Variants in LRRTM3 observed in about 807,000 individuals in gnomAD.
LRRTM3 encodes the protein leucine-rich repeat transmembrane neuronal protein 3.
Under a neutral mutation model 44.7 loss-of-function variants are expected in LRRTM3, and 24 were observed. The observed-to-expected ratio is 0.54, with a 90% confidence interval of 0.39 to 0.76. The LOEUF (loss-of-function observed/expected upper bound fraction) is 0.76, where lower values mean the gene tolerates loss of function less well. LRRTM3 is among the 30% of genes least tolerant of loss of function. LRRTM3 has a pLI of 0.00. For missense variants in LRRTM3, 587 were observed against 702.2 expected (o/e 0.84, Z 1.85); for synonymous variants, 277 against 278.7 (o/e 0.99, Z 0.06).
intron 2 of LRRTM3, among the ~76,000 whole-genome samples, chr10:66,950,298 AT>A (rs1349144412): frequency 6.6e-6 from 1 of 152,058 alleles, no homozygotes. Context: ...CTTGAAGTAT[AT>A]TTACTTATAT....
At chr10:67,028,819 C>T (rs1408393112) in intron 2 of LRRTM3, among the ~76,000 whole-genome samples, 1 of 152,042 alleles carries the variant, frequency 6.6e-6, no homozygotes, top group Admixed American at 6.5e-5. Flanking sequence ...CAAGTAATTA[C>T]ATTAGGAAGA....
At chr10:66,963,477 C>CA (rs1374035935) in intron 2 of LRRTM3, among the ~76,000 whole-genome samples, 3 of 152,064 alleles carry the variant, frequency 2.0e-5, no homozygotes, top group African/African-American at 7.2e-5. Context: ...CGATTACTTT[C>CA]CAAGTAGATG....
intron 2 of LRRTM3, among the ~76,000 whole-genome samples, chr10:67,088,197 G>T (rs1857418820): frequency 6.6e-6 from 1 of 151,200 alleles, no homozygotes; most frequent in African/African-American, 2.4e-5. Flanking sequence ...TGCTAGGCAT[G>T]TATTGGAATG....
intron 2 of LRRTM3, among the ~76,000 whole-genome samples, chr10:67,022,274 G>A (rs1853067055): frequency 6.6e-6 from 1 of 152,158 alleles, no homozygotes; most frequent in Non-Finnish European, 1.5e-5. Context: ...CAGTGTTAGA[G>A]ATCCATGTTA....
intron 2 of LRRTM3, among the ~76,000 whole-genome samples, chr10:67,063,948 G>T (rs536597330): frequency 6.6e-6 from 1 of 152,106 alleles, no homozygotes; most frequent in South Asian, 2.1e-4. Flanking sequence ...ACACACACTC[G>T]TCAGCTAATC....
intron 2 of LRRTM3, among the ~76,000 whole-genome samples, chr10:67,075,263 T>TA (rs943470561): frequency 1.1e-4 from 17 of 151,218 alleles, no homozygotes; most frequent in African/African-American, 2.9e-4. Context: ...AATCTTAAAT[T>TA]AAAAAAAAAT....
intron 2 of LRRTM3, among the ~76,000 whole-genome samples, chr10:66,958,903 T>C (rs1848974610): frequency 6.6e-6 from 1 of 152,148 alleles, no homozygotes; most frequent in Admixed American, 6.6e-5. Context: ...TCATGAAAGT[T>C]CCCTTTATAG....
At chr10:66,928,667 A>G (rs897807913) in intron 2 of LRRTM3, among the ~76,000 whole-genome samples, 1 of 152,166 alleles carries the variant, frequency 6.6e-6, no homozygotes, top group Non-Finnish European at 1.5e-5. Flanking sequence ...TTTAAATACC[A>G]CAATCAATGT....
intron 2 of LRRTM3, among the ~76,000 whole-genome samples, chr10:66,951,514 C>G (rs1174890854): frequency 1.3e-5 from 2 of 152,146 alleles, no homozygotes; most frequent in Non-Finnish European, 2.9e-5. Flanking sequence ...GAGATAGGTA[C>G]TGTTTACTCA....
chr10:67,086,451 C>A (rs1857313687), intron 2 of LRRTM3, among the ~76,000 whole-genome samples: 1 of 151,988 alleles, frequency 6.6e-6, no homozygotes, highest in South Asian at 2.1e-4. Flanking sequence ...GTAATCATAT[C>A]ATTTGAAAGC....
intron 2 of LRRTM3, among the ~76,000 whole-genome samples, chr10:66,951,931 C>A (rs1164132383): frequency 2.6e-5 from 4 of 152,156 alleles, no homozygotes; most frequent in African/African-American, 9.7e-5. Flanking sequence ...CTTTAATGGA[C>A]ATAAGACCCT....
intron 2 of LRRTM3, among the ~76,000 whole-genome samples, chr10:66,939,303 TTTTCTC>T (rs1482602781): frequency 1.3e-5 from 2 of 152,150 alleles, no homozygotes; most frequent in African/African-American, 4.8e-5. Context: ...CTACATTTCT[TTTTCTC>T]TTTCTCATCT....
chr10:66,988,646 T>C (rs1850864918), intron 2 of LRRTM3, among the ~76,000 whole-genome samples: 1 of 152,150 alleles, frequency 6.6e-6, no homozygotes. Context: ...GTGCTTCTGA[T>C]TGCCAAAACC....
intron 2 of LRRTM3, among the ~76,000 whole-genome samples, chr10:66,967,448 A>C: frequency 6.6e-6 from 1 of 152,036 alleles, no homozygotes; most frequent in Admixed American, 6.5e-5. Context: ...CATATGAATT[A>C]CAATTAATTA....
At chr10:67,024,312 AT>A (rs1853217775) in intron 2 of LRRTM3, among the ~76,000 whole-genome samples, 1 of 151,944 alleles carries the variant, frequency 6.6e-6, no homozygotes, top group African/African-American at 2.4e-5. Flanking sequence ...CTGTCTTTAT[AT>A]TTTTTCTCTC....
intron 2 of LRRTM3, among the ~76,000 whole-genome samples, chr10:66,929,287 T>C (rs1847240298): frequency 6.6e-6 from 1 of 152,146 alleles, no homozygotes; most frequent in Non-Finnish European, 1.5e-5. Context: ...ACACCTCACA[T>C]TAGTTAGGGA....
At chr10:67,066,989 T>C (rs1480966132) in intron 2 of LRRTM3, among the ~76,000 whole-genome samples, 1 of 152,150 alleles carries the variant, frequency 6.6e-6, no homozygotes, top group East Asian at 1.9e-4. Context: ...CAGAGTGAAA[T>C]TTATGTTTTT....
chr10:66,926,770 A>AC (rs1847100947), intron 1 of LRRTM3, 151 bp from the exon 2 acceptor site: 3 of 944,708 alleles, frequency 3.2e-6, no homozygotes, highest in Non-Finnish European at 4.6e-6. Context: ...CACTAAAGAC[A>AC]ATTCTCTTTA....
rs1858109359 is a variant in LRRTM3 at position 67,097,920 on chromosome 10, C to T, written c.*124C>T. The T allele has an allele frequency of 1.3e-6, 1 of 774,574 alleles. No individual in the cohort carries two copies. Among genetic ancestry groups the T allele is most frequent in the African/African-American group, 1.8e-5 (1 of 56,652 alleles). The allele number at this position is 774,574 out of a possible 1,614,324, so 48.0% of individuals were successfully genotyped here. A position where few individuals can be genotyped will look rare whatever the true frequency, so the allele number is the denominator to read the frequency against. On this transcript the variant is annotated 3_prime_UTR_variant, in exon 3 of 3. Transcript: ENST00000361320. ...ACACAAAATCCCCTGTTCAAATAAA[C>T]AAAAAATCCAAGATTGATTCATGAA...
Sources: allele counts gnomAD v4.1 joint callset (sites outside exome capture counted in the v4.1 genomes callset), GRCh38; gene constraint gnomAD v4.1.1; transcripts MANE v1.5; gene names NCBI Gene and HGNC (gene_info 2026-07-23, HGNC 2026-07-21).